Variants in DLC1 observed in about 807,000 individuals in gnomAD.
DLC1 encodes the protein rho GTPase-activating protein 7.
Under a neutral mutation model 140.3 loss-of-function variants are expected in DLC1, and 54 were observed. The observed-to-expected ratio is 0.38, with a 90% CI of 0.31 to 0.48. The LOEUF (loss-of-function observed/expected upper bound fraction) is 0.48. Among genes scored for constraint, DLC1 ranks in the 20% least tolerant of loss-of-function variants. DLC1 has a pLI of 0.96. For missense variants in DLC1, 2,536 were observed against 1,907.0 expected (o/e 1.33, Z -6.14); for synonymous variants, 986 against 728.1 (o/e 1.35, Z -5.70).
chr8:13,192,051 C>T (rs907176899), intron 5 of DLC1, among the ~76,000 whole-genome samples: 1 of 151,790 alleles, frequency 6.6e-6, no homozygotes, highest in East Asian at 1.9e-4. Flanking sequence ...CAGAGGTTCT[C>T]CTGCCTCAGC....
intron 1 of DLC1, among the ~76,000 whole-genome samples, chr8:13,553,785 G>T (rs879793446): frequency 6.6e-6 from 1 of 152,104 alleles, no homozygotes; most frequent in African/African-American, 2.4e-5. Context: ...CCTTCAAAAC[G>T]ATTCTTGTCA....
chr8:13,578,916 C>T (rs1804944535), intron 1 of DLC1, among the ~76,000 whole-genome samples: 1 of 151,934 alleles, frequency 6.6e-6, no homozygotes, highest in Non-Finnish European at 1.5e-5. Flanking sequence ...ACCTTCCGCC[C>T]TACTCCCCTC....
intron 5 of DLC1, among the ~76,000 whole-genome samples, chr8:13,197,533 A>G (rs1311184961): frequency 6.6e-6 from 1 of 151,834 alleles, no homozygotes; most frequent in East Asian, 1.9e-4. Flanking sequence ...TTTTTAGTAG[A>G]GATGGGGTTT....
At chr8:13,146,571 G>T (rs947750323) in intron 5 of DLC1, among the ~76,000 whole-genome samples, 1 of 151,662 alleles carries the variant, frequency 6.6e-6, no homozygotes, top group Admixed American at 6.6e-5. Context: ...ATAGTAATTT[G>T]ATCTGTAAAG....
intron 4 of DLC1, among the ~76,000 whole-genome samples, chr8:13,313,044 G>A (rs933008533): frequency 6.6e-6 from 1 of 152,142 alleles, no homozygotes; most frequent in African/African-American, 2.4e-5. Context: ...AGTCTGAATA[G>A]TAGCTTTTTG....
rs142309401 is a variant in DLC1 at position 13,130,979 on chromosome 8, T to C, written c.1349-15322A>G. On this transcript the variant is annotated intron_variant, in intron 5 of 17. Coordinates refer to ENST00000276297, the MANE Select transcript of DLC1 (RefSeq NM_182643.3). Reference sequence around the variant, plus strand: ...CTCAGGCCACGCTGTAAATCTGGCATGCCACAAGAAATGTGAATACATGCA... The same window carrying C: ...CTCAGGCCACGCTGTAAATCTGGCACGCCACAAGAAATGTGAATACATGCA... 5.3e-4 allele frequency among the ~76,000 whole-genome samples: 80 copies of C among 152,354 alleles called. No individual in the cohort carries two copies. In the Middle Eastern group the frequency reaches 0.014, roughly 26 times the overall value.
At position 13,085,831 on chromosome 8, in the gene DLC1, T is replaced by G; in HGVS notation, c.4567A>C (p.Lys1523Gln). Residue 1523 changes from lysine (K) to glutamine (Q), a missense_variant, in exon 18 of 18, where the codon AAA (lysine) becomes CAA (glutamine). By Grantham distance (53) the Lys-to-Gln change is moderately conservative. Coordinates refer to ENST00000276297, the MANE Select transcript of DLC1 (RefSeq NM_182643.3). ...DSFSNQNTET[K>Q]DTKSR ...AGTGATCACCTAGATTTGGTGTCTT[T>G]GGTTTCAGTGTTCTGGTTACTGAAG... 6.2e-7 allele frequency: 1 copy of G among 1,614,174 alleles called. No individual in the cohort carries two copies. The highest frequency in any genetic ancestry group is 2.2e-5 in the East Asian group (1 of 44,876).
intron 5 of DLC1, among the ~76,000 whole-genome samples, chr8:13,285,607 T>G (rs955455237): frequency 1.3e-5 from 2 of 152,098 alleles, no homozygotes; most frequent in Non-Finnish European, 2.9e-5. Context: ...TAAAGACATA[T>G]GGAGATACCA....
At chr8:13,368,874 A>C (rs1023190258) in intron 4 of DLC1, among the ~76,000 whole-genome samples, 3 of 152,144 alleles carry the variant, frequency 2.0e-5, no homozygotes, top group Admixed American at 2.0e-4. Context: ...CCCAGGCTGG[A>C]GGGCAGCGGT....
chr8:13,518,685 T>A (rs1802671513), upstream of DLC1, among the ~76,000 whole-genome samples: 1 of 152,242 alleles, frequency 6.6e-6, no homozygotes, highest in Non-Finnish European at 1.5e-5. Context: ...GCTTTTATGT[T>A]TTCCATTTTT....
At chr8:13,404,549 T>G (rs1434478399) in intron 2 of DLC1, among the ~76,000 whole-genome samples, 1 of 152,184 alleles carries the variant, frequency 6.6e-6, no homozygotes, top group African/African-American at 2.4e-5. Flanking sequence ...CATACTAAAA[T>G]AACACATTTT....
chr8:13,521,449 C>G (rs1334734368), intron 1 of DLC1, among the ~76,000 whole-genome samples: 1 of 152,062 alleles, frequency 6.6e-6, no homozygotes, highest in African/African-American at 2.4e-5. Context: ...GGCTTAGAGC[C>G]CACAGTCTTC....
rs544018437 is a variant in DLC1, at chr8:13,324,889, T to C, written c.1315-19587A>G. On this transcript the variant is annotated intron_variant, in intron 4 of 17. Coordinates refer to ENST00000276297, the MANE Select transcript of DLC1 (RefSeq NM_182643.3). ...TCTGTCTGTATTTCTAGGGTGACTATTGGAGATTAAATAGACTTTTGACAA... is the reference window on the plus strand; with the variant it reads ...TCTGTCTGTATTTCTAGGGTGACTACTGGAGATTAAATAGACTTTTGACAA... 3.3e-3 allele frequency among the ~76,000 whole-genome samples: 506 copies of C among 152,246 alleles called. 7 individuals are homozygous for C. Among genetic ancestry groups the C allele is most frequent in the African/African-American group, 0.012 (486 of 41,558 alleles).
intron 2 of DLC1, among the ~76,000 whole-genome samples, chr8:13,458,285 T>G (rs1331507030): frequency 6.6e-6 from 1 of 152,170 alleles, no homozygotes; most frequent in Non-Finnish European, 1.5e-5. Flanking sequence ...ATCCATAATT[T>G]TAGAGTTGGA....
At chr8:13,569,121 C>T (rs1043563725) in intron 1 of DLC1, among the ~76,000 whole-genome samples, 4 of 152,164 alleles carry the variant, frequency 2.6e-5, no homozygotes, top group Non-Finnish European at 4.4e-5. Flanking sequence ...TTTGAAAACA[C>T]ATTTATGGAG....
chr8:13,525,046 C>A (rs1277858188), intron 1 of DLC1, among the ~76,000 whole-genome samples: 1 of 152,150 alleles, frequency 6.6e-6, no homozygotes, highest in Non-Finnish European at 1.5e-5. Flanking sequence ...CTTTCTGTCA[C>A]TGCAGATTGG....
chr8:13,263,383 TTA>T (rs1830544992), intron 5 of DLC1, among the ~76,000 whole-genome samples: 1 of 152,168 alleles, frequency 6.6e-6, no homozygotes, highest in African/African-American at 2.4e-5. Flanking sequence ...GTAATGAACT[TTA>T]TGTTATTATC....
chr8:13,323,630 A>G (rs1213210009), intron 4 of DLC1, among the ~76,000 whole-genome samples: 1 of 152,352 alleles, frequency 6.6e-6, no homozygotes, highest in South Asian at 2.1e-4. Flanking sequence ...GATTTCTAAC[A>G]TTAAGGAACT....
chr8:13,362,787 C>T (rs1465262279), intron 4 of DLC1, among the ~76,000 whole-genome samples: 1 of 152,148 alleles, frequency 6.6e-6, no homozygotes, highest in African/African-American at 2.4e-5. Flanking sequence ...TACTGTCTTT[C>T]CTGTCTCAGG....
Sources: gnomAD v4.1 joint callset for allele counts (sites outside exome capture counted in the v4.1 genomes callset) on GRCh38, gnomAD v4.1.1 for gene constraint, MANE v1.5 for transcripts, NCBI Gene and HGNC (gene_info 2026-07-23, HGNC 2026-07-21) for gene names.